BTLA: variants seen among roughly 807,000 people sequenced by gnomAD.
The protein encoded by BTLA is B and T lymphocyte associated.
Under a neutral mutation model 25.0 loss-of-function variants are expected in BTLA, and 11 were observed. The observed-to-expected ratio is 0.44, with a 90% CI of 0.28 to 0.73. The LOEUF is 0.73. Among genes scored for constraint, BTLA ranks in the 30% least tolerant of loss-of-function variants. BTLA has a pLI of 0.15. For synonymous variants in BTLA, 104 were observed against 119.8 expected (o/e 0.87, Z 0.86); for missense variants, 282 against 332.8 (o/e 0.85, Z 1.19).
At chr3:112,494,561 A>C (rs2082398687) in intron 1 of BTLA, among the ~76,000 whole-genome samples, 1 of 152,254 alleles carries the variant, frequency 6.6e-6, no homozygotes, top group Non-Finnish European at 1.5e-5. Context: ...ACACCGTGGA[A>C]TACTATGCAG....
At position 112,477,070 on chromosome 3, in the gene BTLA, A is replaced by T. The variant is rs568939133; in HGVS notation, c.403+2385T>A. 2.6e-5 allele frequency among the ~76,000 whole-genome samples: 4 copies of T among 152,254 alleles called. No individual in the cohort carries two copies. The South Asian group carries it at 8.3e-4, about 32-fold the overall frequency. On this transcript the variant is annotated intron_variant, in intron 2 of 4. Transcript: ENST00000334529. ...TGTGTGGATAAACTACATTTCCTTT[A>T]TCCATTCATCAGCTGAACATTTAGG...
chr3:112,491,992 G>T (rs2082383242), intron 1 of BTLA, among the ~76,000 whole-genome samples: 1 of 152,234 alleles, frequency 6.6e-6, no homozygotes, highest in African/African-American at 2.4e-5. Context: ...AGCAAGGCTT[G>T]CCTTGGTCAA....
chr3:112,473,510 T>G (rs745931991), intron 2 of BTLA, among the ~76,000 whole-genome samples: 2 of 152,018 alleles, frequency 1.3e-5, no homozygotes, highest in African/African-American at 2.4e-5. Flanking sequence ...GTGCTCCAAA[T>G]CAGGGTGGAA....
intron 1 of BTLA, among the ~76,000 whole-genome samples, chr3:112,485,274 A>G (rs1041780456): frequency 2.0e-5 from 3 of 151,988 alleles, no homozygotes; most frequent in Non-Finnish European, 4.4e-5. Context: ...CGAACTCCTG[A>G]CCTCAGGTGA....
At chr3:112,491,300 A>G (rs1445916041) in intron 1 of BTLA, among the ~76,000 whole-genome samples, 1 of 152,184 alleles carries the variant, frequency 6.6e-6, no homozygotes, top group Admixed American at 6.5e-5. Flanking sequence ...ACCTCACATT[A>G]TCTATATACT....
At chr3:112,486,364 GA>G (rs1274145611) in intron 1 of BTLA, among the ~76,000 whole-genome samples, 3 of 151,984 alleles carry the variant, frequency 2.0e-5, no homozygotes, top group Non-Finnish European at 2.9e-5. Flanking sequence ...AAATAATCAT[GA>G]GATAAAACAA....
At position 112,479,777 on chromosome 3, in the gene BTLA, A is replaced by G; in HGVS notation, c.89-8T>C. Reference sequence around the variant, plus strand: ...CATCACATGATTCTTTCCCTAAAAGATAAAAACAAAACTAAAATCAAATAT... The same window carrying G: ...CATCACATGATTCTTTCCCTAAAAGGTAAAAACAAAACTAAAATCAAATAT... On this transcript the variant is annotated splice_polypyrimidine_tract_variant and splice_region_variant and intron_variant, in intron 1 of 4. Transcript: ENST00000334529. 1 of 1,564,256 alleles carries G rather than the reference A, an allele frequency of 6.4e-7. No individual in the cohort carries two copies. Among genetic ancestry groups the G allele is most frequent in the Admixed American group, 1.9e-5 (1 of 51,914 alleles).
intron 1 of BTLA, among the ~76,000 whole-genome samples, chr3:112,483,273 C>T (rs955160504): frequency 2.6e-5 from 4 of 151,444 alleles, no homozygotes; most frequent in African/African-American, 4.8e-5. Context: ...CTCAGCCTCC[C>T]GGGTAACTGG....
At position 112,488,679 on chromosome 3, in the gene BTLA, T is replaced by A. The variant is rs200810132; in HGVS notation, c.89-8910A>T. On this transcript the variant is annotated intron_variant, in intron 1 of 4. Transcript: ENST00000334529. Reference sequence around the variant, plus strand: ...CCCAGGCTGGAGTGCAGTGGCGCGATCTTAGCTCACTGCAACCTCCACCCA... The same window carrying A: ...CCCAGGCTGGAGTGCAGTGGCGCGAACTTAGCTCACTGCAACCTCCACCCA... Among the ~76,000 whole-genome samples the A allele has an allele frequency of 2.0e-5, 3 of 152,284 alleles. No individual in the cohort carries two copies. The East Asian group carries it at 5.8e-4, about 29-fold the overall frequency.
At chr3:112,471,839 A>G (rs2082264121) in intron 2 of BTLA, among the ~76,000 whole-genome samples, 1 of 152,182 alleles carries the variant, frequency 6.6e-6, no homozygotes, top group Admixed American at 6.5e-5. Context: ...ACTTATCAGA[A>G]TCTCCAAATA....
At chr3:112,489,650 CGGTATAA>C (rs1213485453) in intron 1 of BTLA, among the ~76,000 whole-genome samples, 4 of 152,150 alleles carry the variant, frequency 2.6e-5, no homozygotes, top group Non-Finnish European at 5.9e-5. Flanking sequence ...TGATTACTAA[CGGTATAA>C]TAAACCAATA....
In BTLA at chr3:112,479,683, G is replaced by A. The variant is rs767549463; in HGVS notation, c.175C>T (p.Pro59Ser). The A allele has an allele frequency of 1.2e-6, 2 of 1,613,908 alleles. No individual in the cohort carries two copies. Among genetic ancestry groups the A allele is most frequent in the South Asian group, 1.1e-5 (1 of 91,078 alleles). Residue 59 changes from proline to serine, a missense_variant, in exon 2 of 5, where the codon CCT becomes TCT. Coordinates refer to ENST00000334529, the MANE Select transcript of BTLA (RefSeq NM_181780.4). ...GGCCTGTTAGCACAGTATTTCACAG[G>A]GCATTCTAGTTCAAAGGGATCTCCT... ...LAGDPFELEC[P>S]VKYCANRPHV...
chr3:112,492,479 T>G (rs538184641), intron 1 of BTLA, among the ~76,000 whole-genome samples: 1 of 152,334 alleles, frequency 6.6e-6, no homozygotes, highest in East Asian at 1.9e-4. Flanking sequence ...AACATGAGTA[T>G]TTCTAAATAT....
chr3:112,466,326 C>G lies in BTLA; in HGVS notation c.652G>C (p.Val218Leu). The change falls in exon 5 of 5, where the codon GTA becomes CTA. Residue 218 changes from valine (V) to leucine (L), a missense_variant. Physicochemically the swap from Val to Leu is conservative, Grantham distance 32 (BLOSUM62 1). Transcript: ENST00000334529. Reference sequence around the variant, plus strand: ...TAAATTCCAGTTTCTGATAGCAGTACTTGGGAATTTTGCCTGGTGCTTGCT... The same window carrying G: ...TAAATTCCAGTTTCTGATAGCAGTAGTTGGGAATTTTGCCTGGTGCTTGCT... ...TEASTRQNSQ[V>L]LLSETGIYDN... is the part of the protein sequence containing the mutation. 6.2e-7 allele frequency: 1 copy of G among 1,613,562 alleles called. No homozygotes were observed. The highest frequency in any genetic ancestry group is 8.5e-7 in the Non-Finnish European group (1 of 1,179,746).
chr3:112,498,568 C>CTTTTTTTTTTTT (rs34606026), intron 1 of BTLA, among the ~76,000 whole-genome samples: 1 of 83,880 alleles, frequency 1.2e-5, no homozygotes, highest in Non-Finnish European at 2.2e-5. Context: ...AAGAAATTGC[C>CTTTTTTTTTTTT]TTTTTTTTTT....
At chr3:112,480,067 A>T (rs1354197251) in intron 1 of BTLA, among the ~76,000 whole-genome samples, 1 of 152,234 alleles carries the variant, frequency 6.6e-6, no homozygotes, top group Non-Finnish European at 1.5e-5. Context: ...CTGAAGATCC[A>T]CAAAAGAAGT....
intron 2 of BTLA, among the ~76,000 whole-genome samples, chr3:112,472,467 T>C (rs1391020874): frequency 6.6e-6 from 1 of 151,858 alleles, no homozygotes; most frequent in Non-Finnish European, 1.5e-5. Context: ...GAGGCCGAGG[T>C]AGGCGGATCA....
At chr3:112,483,734 G>A (rs1184323166) in intron 1 of BTLA, among the ~76,000 whole-genome samples, 6 of 151,918 alleles carry the variant, frequency 3.9e-5, no homozygotes, top group Non-Finnish European at 7.4e-5. Context: ...TTGGGAGGCC[G>A]AGGGAGGTGG....
intron 1 of BTLA, among the ~76,000 whole-genome samples, chr3:112,482,336 A>G (rs2082322417): frequency 6.6e-6 from 1 of 152,216 alleles, no homozygotes; most frequent in African/African-American, 2.4e-5. Context: ...GATGATAGCC[A>G]AAACTCTCTT....
Sources: allele counts gnomAD v4.1 joint callset (sites outside exome capture counted in the v4.1 genomes callset), GRCh38; gene constraint gnomAD v4.1.1; transcripts MANE v1.5; gene names NCBI Gene and HGNC (gene_info 2026-07-23, HGNC 2026-07-21).